TSGA13: variants seen among roughly 807,000 people sequenced by gnomAD.
The protein encoded by TSGA13 is testis specific 13.
In TSGA13, 37 loss-of-function variants were observed where a neutral mutation model predicts 35.1. That is an observed-to-expected ratio of 1.05 (90% CI 0.81 to 1.39). TSGA13 has a LOEUF of 1.39. TSGA13 is among the 40% of genes most tolerant of loss of function. TSGA13 has a pLI of 0.00. For synonymous variants in TSGA13, 124 were observed against 121.2 expected, an observed-to-expected ratio of 1.02 and a Z score of -0.15; for missense variants, 338 against 328.5, an observed-to-expected ratio of 1.03 and a Z score of -0.22.
chr7:130,679,109 A>G (rs1554464554), intron 5 of TSGA13, 46 bp downstream of exon 5: 5 of 1,447,792 alleles, frequency 3.5e-6, no homozygotes, highest in East Asian at 2.3e-5. Context: ...GCTAACTCCT[A>G]ATTCGTCAGG....
chr7:130,679,715 A>C lies in TSGA13; in HGVS notation c.175-348T>G, dbSNP rs567118738. On this transcript the variant is annotated intron_variant, in intron 4 of 7. Coordinates refer to ENST00000356588, the MANE Select transcript of TSGA13 (RefSeq NM_052933.4). ...TTCTGTTTTTGTTTTGTAGAGATGG[A>C]GTTTTGCCATGTTGCCCAGGCTGGT... 5.9e-4 allele frequency among the ~76,000 whole-genome samples: 89 copies of C among 152,078 alleles called. 1 individual carries two copies. The highest frequency in any genetic ancestry group is 2.1e-3 in the African/African-American group (87 of 41,496).
chr7:130,683,212 G>A (rs1052176429), intron 3 of TSGA13, among the ~76,000 whole-genome samples: 1 of 152,204 alleles, frequency 6.6e-6, no homozygotes, highest in Non-Finnish European at 1.5e-5. Flanking sequence ...TTCACTATCT[G>A]TGGCTGATTA....
chr7:130,670,751 G>A (rs535781328), intron 7 of TSGA13, among the ~76,000 whole-genome samples: 11 of 152,076 alleles, frequency 7.2e-5, no homozygotes. Flanking sequence ...CCCCCAAGTA[G>A]CTCAGACTAC....
chr7:130,686,928 G>A (rs1554465850), upstream of TSGA13: 1 of 152,338 alleles, frequency 6.6e-6, no homozygotes, highest in Non-Finnish European at 1.5e-5. Context: ...CACAAGGCTG[G>A]AGTGCAGTGG....
intron 7 of TSGA13, among the ~76,000 whole-genome samples, chr7:130,670,271 A>G (rs572383540): frequency 2.6e-5 from 4 of 152,290 alleles, no homozygotes; most frequent in Non-Finnish European, 4.4e-5. Context: ...GAAGCCAGTT[A>G]AGGGATGGTA....
chr7:130,669,002 A>AG lies in TSGA13; in HGVS notation c.*11dup. The AG allele has an allele frequency of 6.2e-7, 1 of 1,613,402 alleles. No homozygotes were observed. The highest frequency in any genetic ancestry group is 8.5e-7 in the Non-Finnish European group (1 of 1,179,764). Reference sequence around the variant, plus strand: ...TCAAGAGAGCGAGGCGGGAGGACTGAGGGGTCTGTGTTCACCCGATGACCG... The same window carrying AG: ...TCAAGAGAGCGAGGCGGGAGGACTGAGGGGGTCTGTGTTCACCCGATGACCG... On this transcript the variant is annotated 3_prime_UTR_variant, in exon 8 of 8. Coordinates refer to ENST00000356588, the MANE Select transcript of TSGA13 (RefSeq NM_052933.4).
chr7:130,682,751 G>A (rs56234747), intron 3 of TSGA13, among the ~76,000 whole-genome samples: 12,048 of 152,290 alleles, frequency 0.079, 710 homozygotes, highest in Middle Eastern at 0.12. Context: ...GAAAAGGCCA[G>A]AAGTTGGCAA....
chr7:130,673,469 A>C (rs987423835), intron 5 of TSGA13, among the ~76,000 whole-genome samples: 1 of 152,182 alleles, frequency 6.6e-6, no homozygotes, highest in African/African-American at 2.4e-5. Flanking sequence ...CTAAAAAAAA[A>C]AAGATTTCAC....
At chr7:130,670,834 C>T (rs1796249897) in intron 7 of TSGA13, among the ~76,000 whole-genome samples, 1 of 152,008 alleles carries the variant, frequency 6.6e-6, no homozygotes, top group Admixed American at 6.5e-5. Context: ...ACTATGTTGC[C>T]CAGGCTAGTG....
In TSGA13 at chr7:130,672,835, C is replaced by A. The variant is rs781953002; in HGVS notation, c.429G>T (p.Leu143=). The change falls in exon 6 of 8, where the codon CTG becomes CTT. Residue 143 remains leucine, a synonymous_variant. Transcript: ENST00000356588. ...ACTTTTTTTTCTGAGGCATGCGGGG[C>A]AGCCAGAGGTTCTCAGTGGGTTTGT... is the stretch of plus-strand genomic sequence containing the variant. ...HQHKPTENLW[L]PRMPQKKKLR... The A allele has an allele frequency of 6.2e-7, 1 of 1,614,016 alleles. No individual in the cohort carries two copies. The highest frequency in any genetic ancestry group is 1.1e-5 in the South Asian group (1 of 91,062).
chr7:130,669,621 A>G (rs1252832970), intron 7 of TSGA13, among the ~76,000 whole-genome samples: 1 of 152,240 alleles, frequency 6.6e-6, no homozygotes, highest in Admixed American at 6.5e-5. Flanking sequence ...AATTGGGTCT[A>G]TACTCAACAG....
chr7:130,687,292 T>C (rs1796677951), upstream of TSGA13: 1 of 152,236 alleles, frequency 6.6e-6, no homozygotes, highest in Admixed American at 6.5e-5. Context: ...CATGTCATTG[T>C]ATAGTGTCTT....
intron 6 of TSGA13, 85 bp from the exon 7 acceptor site, chr7:130,671,873 T>C: frequency 1.2e-6 from 1 of 814,806 alleles, no homozygotes. Flanking sequence ...TTATTTTATT[T>C]TATTTTATTT....
upstream of TSGA13, chr7:130,687,152 C>G (rs558473877): frequency 6.6e-6 from 1 of 152,348 alleles, no homozygotes; most frequent in South Asian, 2.1e-4. Flanking sequence ...GCTGGGATTA[C>G]AGGCGTGAGC....
intron 1 of TSGA13, among the ~76,000 whole-genome samples, chr7:130,685,886 A>G (rs1554465678): frequency 6.6e-6 from 1 of 152,220 alleles, no homozygotes; most frequent in Non-Finnish European, 1.5e-5. Context: ...TAGAGAAAAG[A>G]AAGGTCAGTG....
At chr7:130,677,105 G>C (rs994008241) in intron 5 of TSGA13, among the ~76,000 whole-genome samples, 2 of 152,074 alleles carry the variant, frequency 1.3e-5, no homozygotes, top group Non-Finnish European at 2.9e-5. Context: ...GGTTAGCCAG[G>C]ATGGTCTCAA....
chr7:130,671,709 G>A lies in TSGA13; in HGVS notation c.610C>T (p.Pro204Ser). 6.2e-7 allele frequency: 1 copy of A among 1,608,458 alleles called. No homozygotes were observed. The highest frequency in any genetic ancestry group is 8.5e-7 in the Non-Finnish European group (1 of 1,176,498). Residue 204 changes from proline to serine, a missense_variant, in exon 7 of 8, where the codon CCT (proline) becomes TCT (serine). By Grantham distance (74) the Pro-to-Ser change is moderately conservative (BLOSUM62 -1). Coordinates refer to ENST00000356588, the MANE Select transcript of TSGA13 (RefSeq NM_052933.4). ...TGGACTGGAGCAAAGGTGAGCTGAG[G>A]GTACATTTTCTTCTGTGTCCTCAAA... ...YALRTQKKMYPQLTFAPVHER... is the reference protein window; with the variant it reads ...YALRTQKKMYSQLTFAPVHER...
intron 5 of TSGA13, among the ~76,000 whole-genome samples, chr7:130,678,328 G>A (rs1274759020): frequency 6.6e-6 from 1 of 151,508 alleles, no homozygotes; most frequent in Non-Finnish European, 1.5e-5. Context: ...GCAGTGAGCC[G>A]AGATCGCGCC....
At chr7:130,684,049 C>T (rs559632589) in intron 2 of TSGA13, among the ~76,000 whole-genome samples, 21 of 152,332 alleles carry the variant, frequency 1.4e-4, no homozygotes, top group African/African-American at 4.8e-4. Context: ...ATTTTGAATA[C>T]TTACCTGCCT....
Sources: allele counts gnomAD v4.1 joint callset (sites outside exome capture counted in the v4.1 genomes callset), GRCh38; gene constraint gnomAD v4.1.1; transcripts MANE v1.5; gene names NCBI Gene and HGNC (gene_info 2026-07-23, HGNC 2026-07-21).